RANBP9: variants seen among roughly 807,000 people sequenced by gnomAD.
RANBP9 encodes the protein ran-binding protein 9.
A neutral mutation model predicts 84.3 loss-of-function variants in RANBP9; 15 were observed. The observed-to-expected ratio is 0.18, with a 90% CI of 0.12 to 0.27. RANBP9 has a LOEUF of 0.27. Among genes scored for constraint, RANBP9 ranks in the 10% least tolerant of loss-of-function variants. The probability of loss-of-function intolerance (pLI) is 1.00; values close to 1 mark genes in which losing one functional copy is unlikely to be tolerated. For missense variants in RANBP9, 809 were observed against 912.8 expected (o/e 0.89, Z 1.46); for synonymous variants, 392 against 349.6 (o/e 1.12, Z -1.35).
At chr6:13,691,664 T>TTGTA (rs1304306395) in intron 2 of RANBP9, among the ~76,000 whole-genome samples, 2 of 151,982 alleles carry the variant, frequency 1.3e-5, no homozygotes, top group Non-Finnish European at 2.9e-5. Context: ...TTTTGTTTGT[T>TTGTA]TGTATGTTTG....
At chr6:13,686,673 G>A (rs544722751) in intron 2 of RANBP9, among the ~76,000 whole-genome samples, 101 of 152,064 alleles carry the variant, frequency 6.6e-4, no homozygotes, top group Non-Finnish European at 1.3e-3. Flanking sequence ...AAAAGTGCTG[G>A]GATTACAGGC....
intron 13 of RANBP9, 130 bp downstream of exon 13, chr6:13,625,523 T>C (rs1584905922): frequency 3.7e-6 from 2 of 533,728 alleles, no homozygotes; most frequent in Non-Finnish European, 6.6e-6. Flanking sequence ...ATTTTAGGTA[T>C]TTTTATATTT....
At chr6:13,674,603 G>A (rs926622805) in intron 2 of RANBP9, among the ~76,000 whole-genome samples, 1 of 152,258 alleles carries the variant, frequency 6.6e-6, no homozygotes, top group East Asian at 1.9e-4. Context: ...GAATGCTGAG[G>A]GCAGCCACCA....
chr6:13,652,627 A>C (rs777928617), intron 5 of RANBP9, 32 bp downstream of exon 5: 9 of 1,540,120 alleles, frequency 5.8e-6, no homozygotes, highest in Non-Finnish European at 8.0e-6. Context: ...CTGTAATTAA[A>C]AATGGAAAAC....
At chr6:13,637,999 T>G in intron 9 of RANBP9, 44 bp from the exon 10 acceptor site, 1 of 1,528,920 alleles carries the variant, frequency 6.5e-7, no homozygotes, top group Non-Finnish European at 8.8e-7. Context: ...AAACACTAAT[T>G]TATTAATACG....
chr6:13,663,468 A>C (rs1289270589), intron 2 of RANBP9, among the ~76,000 whole-genome samples: 1 of 152,178 alleles, frequency 6.6e-6, no homozygotes, highest in Non-Finnish European at 1.5e-5. Context: ...AAAAATGGTA[A>C]CATGTATTGT....
chr6:13,646,368 C>T (rs551307190), intron 5 of RANBP9, among the ~76,000 whole-genome samples: 1 of 152,118 alleles, frequency 6.6e-6, no homozygotes, highest in Non-Finnish European at 1.5e-5. Context: ...GAGATTGTGC[C>T]ACTGCATTCC....
At chr6:13,634,123 C>G (rs183328596) in intron 11 of RANBP9, among the ~76,000 whole-genome samples, 103 of 152,284 alleles carry the variant, frequency 6.8e-4, no homozygotes, top group Non-Finnish European at 1.0e-3. Context: ...ATAAGAAGTT[C>G]TATCATCTCC....
intron 2 of RANBP9, among the ~76,000 whole-genome samples, chr6:13,661,005 T>A (rs563409477): frequency 1.3e-5 from 2 of 152,292 alleles, no homozygotes; most frequent in African/African-American, 4.8e-5. Context: ...TGGCTCAAAG[T>A]TCCCCCTCCT....
At chr6:13,629,921 C>CTCTCTCTCGT in intron 12 of RANBP9, among the ~76,000 whole-genome samples, 1 of 128,428 alleles carries the variant, frequency 7.8e-6, no homozygotes, top group African/African-American at 2.8e-5. Flanking sequence ...CTCTCTCTCT[C>CTCTCTCTCGT]GTGTGTGTGT....
chr6:13,653,759 G>C (rs1765343038), intron 4 of RANBP9, among the ~76,000 whole-genome samples: 1 of 152,018 alleles, frequency 6.6e-6, no homozygotes, highest in Non-Finnish European at 1.5e-5. Flanking sequence ...TAATGCTTTT[G>C]TAGTTAGTAA....
At chr6:13,677,590 A>G (rs1308920436) in intron 2 of RANBP9, among the ~76,000 whole-genome samples, 1 of 152,182 alleles carries the variant, frequency 6.6e-6, no homozygotes, top group Non-Finnish European at 1.5e-5. Flanking sequence ...CTACAGCAAG[A>G]TACACTAGTA....
chr6:13,662,089 G>A (rs1391598372), intron 2 of RANBP9, among the ~76,000 whole-genome samples: 2 of 152,130 alleles, frequency 1.3e-5, no homozygotes, highest in Admixed American at 6.5e-5. Flanking sequence ...TAGCAGCAGG[G>A]AGACAAGTGA....
intron 12 of RANBP9, among the ~76,000 whole-genome samples, chr6:13,632,007 C>A (rs866552385): frequency 6.6e-6 from 1 of 151,974 alleles, no homozygotes; most frequent in Non-Finnish European, 1.5e-5. Flanking sequence ...TTTATCTGCA[C>A]GCCCACATTG....
intron 7 of RANBP9, 48 bp from the exon 8 acceptor site, chr6:13,641,355 A>G (rs1347480165): frequency 2.2e-5 from 26 of 1,181,290 alleles, no homozygotes; most frequent in Non-Finnish European, 3.0e-5. Context: ...AAAGTAGATA[A>G]AACATAAACT....
intron 2 of RANBP9, among the ~76,000 whole-genome samples, chr6:13,689,930 G>A (rs1013619313): frequency 1.3e-5 from 2 of 152,052 alleles, no homozygotes; most frequent in African/African-American, 4.8e-5. Flanking sequence ...CCAACAGTTT[G>A]GTCAACAAAG....
At chr6:13,667,522 C>T (rs1444231530) in intron 2 of RANBP9, among the ~76,000 whole-genome samples, 3 of 152,104 alleles carry the variant, frequency 2.0e-5, no homozygotes, top group African/African-American at 7.2e-5. Flanking sequence ...AACAACAGAC[C>T]GCATGTACAA....
intron 2 of RANBP9, among the ~76,000 whole-genome samples, chr6:13,696,270 A>AT (rs1338783119): frequency 1.3e-5 from 2 of 152,210 alleles, no homozygotes; most frequent in East Asian, 3.8e-4. Flanking sequence ...AAGCAATGAT[A>AT]TAAAATTTGG....
intron 4 of RANBP9, among the ~76,000 whole-genome samples, chr6:13,653,469 A>T (rs1051316366): frequency 6.6e-6 from 1 of 152,198 alleles, no homozygotes; most frequent in Admixed American, 6.5e-5. Flanking sequence ...TAGCTCTAGA[A>T]TAATGGGAGA....
Sources: gnomAD v4.1 joint callset for allele counts (sites outside exome capture counted in the v4.1 genomes callset) on GRCh38, gnomAD v4.1.1 for gene constraint, MANE v1.5 for transcripts, NCBI Gene and HGNC (gene_info 2026-07-23, HGNC 2026-07-21) for gene names.